PTPRG: variants seen among roughly 807,000 people sequenced by gnomAD.
The protein encoded by PTPRG is protein tyrosine phosphatase receptor type G.
Under a neutral mutation model 165.3 loss-of-function variants are expected in PTPRG, and 102 were observed. The ratio of observed to expected loss-of-function variants is 0.62; its 90% CI spans 0.53 to 0.73. The LOEUF is 0.73. Ranked by LOEUF, PTPRG falls within the 30% of genes least tolerant of loss-of-function variation. The pLI, the probability that PTPRG is intolerant of heterozygous loss-of-function variation, is 0.00. For missense variants in PTPRG, 1,866 were observed against 1,861.4 expected, an observed-to-expected ratio of 1.00 and a Z score of -0.05; for synonymous variants, 675 against 669.5, an observed-to-expected ratio of 1.01 and a Z score of -0.13.
chr3:61,672,979 T>C (rs1032792371), intron 1 of PTPRG, among the ~76,000 whole-genome samples: 1 of 150,732 alleles, frequency 6.6e-6, no homozygotes, highest in Non-Finnish European at 1.5e-5. Context: ...CTGTGTGACA[T>C]GGTGAGACTG....
At position 61,879,886 on chromosome 3, in the gene PTPRG, C is replaced by T. The variant is rs191268042; in HGVS notation, c.191-109739C>T. On this transcript the variant is annotated intron_variant, in intron 2 of 29. Transcript: ENST00000474889. ...GTATGGTGCTTTGTATAAGCCTTTA[C>T]GTTATAATGAAACAAATCAAAATTC... Among the ~76,000 whole-genome samples, 20 of 152,232 alleles carry T rather than the reference C, an allele frequency of 1.3e-4. No homozygotes were observed. The East Asian group carries it at 1.7e-3, about 13-fold the overall frequency.
chr3:61,880,622 C>CAAAAAAAAAAAAA, intron 2 of PTPRG, among the ~76,000 whole-genome samples: 1 of 80,238 alleles, frequency 1.2e-5, no homozygotes, highest in Non-Finnish European at 2.5e-5. Context: ...AACCCTGTCT[C>CAAAAAAAAAAAAA]AAAAAAAAAA....
intron 4 of PTPRG, among the ~76,000 whole-genome samples, chr3:62,055,000 G>A (rs1056416761): frequency 1.3e-5 from 2 of 152,210 alleles, no homozygotes; most frequent in Admixed American, 6.5e-5. Flanking sequence ...GTAGCAGGTA[G>A]CACTTAATTT....
At chr3:61,902,011 G>A (rs1393717928) in intron 2 of PTPRG, among the ~76,000 whole-genome samples, 1 of 152,170 alleles carries the variant, frequency 6.6e-6, no homozygotes, top group East Asian at 1.9e-4. Context: ...GTAATAAAGA[G>A]CATATTGGAT....
rs576134027 is a variant in PTPRG, at chr3:61,671,518, A to G, written c.86-77360A>G. ...ATTTTTCTTAGTACAGAACAAAATGAAAAGTCTCCCATGTCTACCTCTTTC... is the reference window on the plus strand; with the variant it reads ...ATTTTTCTTAGTACAGAACAAAATGGAAAGTCTCCCATGTCTACCTCTTTC... On this transcript the variant is annotated intron_variant, in intron 1 of 29. Transcript: ENST00000474889. Among the ~76,000 whole-genome samples the G allele has an allele frequency of 7.8e-3, 1,163 of 149,230 alleles. 20 individuals are homozygous for G. Among genetic ancestry groups the G allele is most frequent in the African/African-American group, 0.027 (1,099 of 40,694 alleles).
intron 2 of PTPRG, among the ~76,000 whole-genome samples, chr3:61,777,273 A>T (rs1174803633): frequency 6.6e-6 from 1 of 152,202 alleles, no homozygotes; most frequent in African/African-American, 2.4e-5. Context: ...GTGACCATGG[A>T]GCACTTGAAA....
chr3:62,200,232 A>C (rs1700065564), intron 10 of PTPRG, among the ~76,000 whole-genome samples: 1 of 152,184 alleles, frequency 6.6e-6, no homozygotes, highest in African/African-American at 2.4e-5. Flanking sequence ...AAACATGGTT[A>C]AGATAGTAAT....
chr3:61,699,655 G>T (rs1305554594), intron 1 of PTPRG, among the ~76,000 whole-genome samples: 1 of 152,108 alleles, frequency 6.6e-6, no homozygotes, highest in Non-Finnish European at 1.5e-5. Flanking sequence ...TATGAAAGCA[G>T]GTTTGCTTTA....
intron 4 of PTPRG, among the ~76,000 whole-genome samples, chr3:62,045,594 T>A (rs1700263180): frequency 6.6e-6 from 1 of 152,252 alleles, no homozygotes; most frequent in Admixed American, 6.5e-5. Context: ...TTGCCCTCAA[T>A]GCTGCTGTTT....
intron 1 of PTPRG, among the ~76,000 whole-genome samples, chr3:61,596,943 G>C (rs908696080): frequency 6.6e-5 from 10 of 152,220 alleles, no homozygotes; most frequent in African/African-American, 2.2e-4. Flanking sequence ...CCTAAGACTA[G>C]GTAATTTATA....
At chr3:62,216,542 C>G (rs762695505) in intron 12 of PTPRG, among the ~76,000 whole-genome samples, 165 of 152,110 alleles carry the variant, frequency 1.1e-3, no homozygotes, top group Middle Eastern at 3.4e-3. Flanking sequence ...TGAGATTCCC[C>G]CCCCTCCCCC....
chr3:62,077,115 A>G (rs1307697479), intron 4 of PTPRG, among the ~76,000 whole-genome samples: 2 of 152,020 alleles, frequency 1.3e-5, no homozygotes, highest in Non-Finnish European at 2.9e-5. Flanking sequence ...AAAATACACA[A>G]ATTAGCTGGG....
At chr3:62,077,277 T>TAA (rs11329129) in intron 4 of PTPRG, among the ~76,000 whole-genome samples, 28 of 138,486 alleles carry the variant, frequency 2.0e-4, no homozygotes, top group African/African-American at 3.8e-4. Context: ...TTTGTTTGTT[T>TAA]AAAAAAAAAA....
At chr3:62,018,020 G>A (rs2041594158) in intron 4 of PTPRG, among the ~76,000 whole-genome samples, 1 of 152,280 alleles carries the variant, frequency 6.6e-6, no homozygotes, top group Middle Eastern at 3.4e-3. Context: ...CACTCCAAAG[G>A]TTATGAAGTT....
chr3:61,848,708 C>A (rs552530798), intron 2 of PTPRG, among the ~76,000 whole-genome samples: 1 of 152,286 alleles, frequency 6.6e-6, no homozygotes, highest in East Asian at 1.9e-4. Flanking sequence ...TATACTATAT[C>A]TTGAGTCGTC....
chr3:61,687,977 G>A (rs1241269530), intron 1 of PTPRG, among the ~76,000 whole-genome samples: 1 of 152,220 alleles, frequency 6.6e-6, no homozygotes, highest in Non-Finnish European at 1.5e-5. Context: ...CGCGTACCCA[G>A]CTTTTCCAAG....
chr3:61,575,598 CT>C (rs34363041), intron 1 of PTPRG, among the ~76,000 whole-genome samples: 3,463 of 117,222 alleles, frequency 0.03, 32 homozygotes, highest in Non-Finnish European at 0.04. Flanking sequence ...GCACACAGAA[CT>C]TTTTTTTTTT....
At chr3:62,200,194 A>G (rs1700064918) in intron 10 of PTPRG, among the ~76,000 whole-genome samples, 1 of 152,234 alleles carries the variant, frequency 6.6e-6, no homozygotes, top group Non-Finnish European at 1.5e-5. Flanking sequence ...CTGTGTGAAC[A>G]ACCTTAACAC....
chr3:61,646,010 C>T (rs144177918), intron 1 of PTPRG, among the ~76,000 whole-genome samples: 5 of 152,320 alleles, frequency 3.3e-5, no homozygotes, highest in African/African-American at 1.2e-4. Context: ...TAAAATCTTA[C>T]CTGCTTTATA....
Sources: allele counts gnomAD v4.1 joint callset (sites outside exome capture counted in the v4.1 genomes callset), GRCh38; gene constraint gnomAD v4.1.1; transcripts MANE v1.5; gene names NCBI Gene and HGNC (gene_info 2026-07-23, HGNC 2026-07-21).